Variants in TNFSF4 observed in about 807,000 individuals in gnomAD.
The protein encoded by TNFSF4 is TNF superfamily member 4, also known as tumor necrosis factor ligand superfamily member 4.
In TNFSF4, 4 loss-of-function variants were observed where a neutral mutation model predicts 7.3. That is an observed-to-expected ratio of 0.55 (90% CI 0.27 to 1.25). The LOEUF (loss-of-function observed/expected upper bound fraction) is 1.25. TNFSF4 is among the 50% of genes most tolerant of loss of function. TNFSF4 has a pLI of 0.12. For missense variants in TNFSF4, 181 were observed against 208.8 expected (o/e 0.87, Z 0.82); for synonymous variants, 76 against 83.7 (o/e 0.91, Z 0.50).
the TNFSF4 span, among the ~76,000 whole-genome samples, chr1:173,340,265 T>A: frequency 6.6e-6 from 1 of 151,750 alleles, no homozygotes; most frequent in Admixed American, 6.6e-5. Flanking sequence ...ACTGTAGGCA[T>A]TGGGACTTGT....
chr1:173,262,581 T>C, the TNFSF4 span, among the ~76,000 whole-genome samples: 3 of 150,026 alleles, frequency 2.0e-5, no homozygotes, highest in South Asian at 6.3e-4. Context: ...CTAGAAATCA[T>C]CTCAGCCCAA....
At chr1:173,404,047 G>C in the TNFSF4 span, among the ~76,000 whole-genome samples, 1 of 152,192 alleles carries the variant, frequency 6.6e-6, no homozygotes, top group Non-Finnish European at 1.5e-5. Flanking sequence ...ATAAGGATAG[G>C]CTCATTGCAG....
At chr1:173,403,546 C>T in the TNFSF4 span, among the ~76,000 whole-genome samples, 2 of 152,198 alleles carry the variant, frequency 1.3e-5, no homozygotes, top group Non-Finnish European at 2.9e-5. Flanking sequence ...ACATACGTAA[C>T]AATTGAGATT....
At chr1:173,430,239 G>T in the TNFSF4 span, among the ~76,000 whole-genome samples, 1 of 152,212 alleles carries the variant, frequency 6.6e-6, no homozygotes, top group Non-Finnish European at 1.5e-5. Flanking sequence ...TATTTACTCA[G>T]CCAGGCAGCT....
the TNFSF4 span, among the ~76,000 whole-genome samples, chr1:173,311,116 T>C: frequency 6.6e-6 from 1 of 152,028 alleles, no homozygotes; most frequent in Non-Finnish European, 1.5e-5. Context: ...TTAATGTTGT[T>C]AGTGATCAGA....
the TNFSF4 span, among the ~76,000 whole-genome samples, chr1:173,268,385 G>T: frequency 6.6e-6 from 1 of 152,078 alleles, no homozygotes. Context: ...TCTAGAAGCA[G>T]AAGAAGCTAA....
At chr1:173,216,769 T>C in the TNFSF4 span, among the ~76,000 whole-genome samples, 2 of 152,102 alleles carry the variant, frequency 1.3e-5, no homozygotes, top group African/African-American at 4.8e-5. Context: ...AACACACACA[T>C]GAAAAACAAA....
chr1:173,269,642 A>T, the TNFSF4 span, among the ~76,000 whole-genome samples: 1 of 152,146 alleles, frequency 6.6e-6, no homozygotes, highest in African/African-American at 2.4e-5. Flanking sequence ...GACACACTGG[A>T]CAAAGGGATG....
At chr1:173,391,435 CAAAAAA>C in the TNFSF4 span, among the ~76,000 whole-genome samples, 37,987 of 110,062 alleles carry the variant, frequency 0.35, 6,533 homozygotes, top group African/African-American at 0.51. Context: ...CCTTAGAAAG[CAAAAAA>C]AAAAAAAAAA....
At chr1:173,379,489 A>G in the TNFSF4 span, among the ~76,000 whole-genome samples, 2 of 152,010 alleles carry the variant, frequency 1.3e-5, no homozygotes, top group South Asian at 4.2e-4. Context: ...AAGAAAATAT[A>G]CTCCCCTGTC....
the TNFSF4 span, among the ~76,000 whole-genome samples, chr1:173,240,743 A>G: frequency 6.6e-6 from 1 of 152,124 alleles, no homozygotes; most frequent in Non-Finnish European, 1.5e-5. Flanking sequence ...TAATTTCAAA[A>G]ATTATGTCAG....
the TNFSF4 span, among the ~76,000 whole-genome samples, chr1:173,417,521 T>G: frequency 6.6e-6 from 1 of 152,116 alleles, no homozygotes; most frequent in Non-Finnish European, 1.5e-5. Flanking sequence ...TGGCCAGCAA[T>G]GAGACTCTGA....
the TNFSF4 span, among the ~76,000 whole-genome samples, chr1:173,356,511 T>C: frequency 1.3e-4 from 20 of 152,336 alleles, no homozygotes; most frequent in African/African-American, 4.8e-4. Context: ...GTGTGATCAT[T>C]TGACTATTCT....
chr1:173,449,982 T>C, the TNFSF4 span, among the ~76,000 whole-genome samples: 1 of 152,048 alleles, frequency 6.6e-6, no homozygotes, highest in African/African-American at 2.4e-5. Flanking sequence ...AGAAAATTAA[T>C]GAAACTAAAA....
the TNFSF4 span, among the ~76,000 whole-genome samples, chr1:173,339,844 T>G: frequency 8.5e-5 from 13 of 152,318 alleles, no homozygotes; most frequent in Admixed American, 7.8e-4. Flanking sequence ...TTTAAGGAGA[T>G]GTAGATAGAT....
At chr1:173,175,941 GT>G in the TNFSF4 span, among the ~76,000 whole-genome samples, 1 of 151,894 alleles carries the variant, frequency 6.6e-6, no homozygotes, top group Non-Finnish European at 1.5e-5. Context: ...ATGGTTTTTT[GT>G]TTTTTTGTGT....
At chr1:173,371,900 G>A in the TNFSF4 span, among the ~76,000 whole-genome samples, 6 of 152,202 alleles carry the variant, frequency 3.9e-5, no homozygotes, top group African/African-American at 1.4e-4. Flanking sequence ...GGACGGTCTT[G>A]CCTCAAGGGT....
the TNFSF4 span, among the ~76,000 whole-genome samples, chr1:173,426,450 A>G: frequency 2.0e-5 from 3 of 152,182 alleles, no homozygotes; most frequent in Non-Finnish European, 4.4e-5. Context: ...TCTGAGCTTT[A>G]ACATTCTAAT....
chr1:173,259,253 C>T, the TNFSF4 span, among the ~76,000 whole-genome samples: 3 of 152,044 alleles, frequency 2.0e-5, no homozygotes, highest in East Asian at 3.9e-4. Context: ...TGCAGCAGCC[C>T]TATTGAAGAA....
Sources: allele counts gnomAD v4.1 joint callset (sites outside exome capture counted in the v4.1 genomes callset), GRCh38; gene constraint gnomAD v4.1.1; transcripts MANE v1.5; gene names NCBI Gene and HGNC (gene_info 2026-07-23, HGNC 2026-07-21).